Variants in ACSBG1 observed in about 807,000 individuals in gnomAD.
The protein encoded by ACSBG1 is acyl-CoA synthetase bubblegum family member 1.
In ACSBG1, 39 loss-of-function variants were observed where a neutral mutation model predicts 80.2. The observed-to-expected ratio is 0.49, with a 90% CI of 0.38 to 0.64. The LOEUF is 0.64. Among genes scored for constraint, ACSBG1 ranks in the 30% least tolerant of loss-of-function variants. The pLI, the probability that ACSBG1 is intolerant of heterozygous loss-of-function variation, is 0.00. For synonymous variants in ACSBG1, 392 were observed against 379.5 expected (o/e 1.03, Z -0.38); for missense variants, 828 against 966.4 (o/e 0.86, Z 1.90).
chr15:78,214,804 A>G (rs763484313), intron 1 of ACSBG1, among the ~76,000 whole-genome samples: 16 of 152,268 alleles, frequency 1.1e-4, no homozygotes, highest in Non-Finnish European at 2.1e-4. Context: ...GGGGTTGTTC[A>G]AGGTCCTCCA....
At chr15:78,186,249 G>A (rs1023125207) in intron 5 of ACSBG1, among the ~76,000 whole-genome samples, 15 of 152,110 alleles carry the variant, frequency 9.9e-5, no homozygotes, top group Non-Finnish European at 1.6e-4. Context: ...ACACCCCATT[G>A]TCAACATTAG....
intron 5 of ACSBG1, among the ~76,000 whole-genome samples, chr15:78,185,895 TA>T (rs1380502576): frequency 7.2e-5 from 11 of 151,968 alleles, no homozygotes; most frequent in Non-Finnish European, 1.6e-4. Flanking sequence ...TGTGAACCCA[TA>T]AATCTAAATC....
chr15:78,177,757 A>C lies in ACSBG1; in HGVS notation c.1702+857T>G, dbSNP rs568234625. On this transcript the variant is annotated intron_variant, in intron 11 of 13. Coordinates refer to ENST00000258873, the MANE Select transcript of ACSBG1 (RefSeq NM_015162.5). The surrounding 1 kb of genome is among the most constrained non-coding windows in gnomAD (Gnocchi z 4.1). ...CGCACACTGCCTGCATGATGTCCAC[A>C]AAGTAGTTTACCCACTCAACTTAGC... Among the ~76,000 whole-genome samples the C allele has an allele frequency of 6.4e-4, 98 of 152,232 alleles. 1 individual carries two copies. The highest frequency in any genetic ancestry group is 2.3e-3 in the African/African-American group (95 of 41,532).
chr15:78,203,715 G>A (rs780398684), intron 2 of ACSBG1, among the ~76,000 whole-genome samples: 7 of 152,242 alleles, frequency 4.6e-5, no homozygotes, highest in Non-Finnish European at 8.8e-5. Flanking sequence ...AGCAGAGAGC[G>A]GGAGGCTGGG....
At chr15:78,184,949 A>G (rs935638941) in intron 5 of ACSBG1, among the ~76,000 whole-genome samples, 13 of 151,680 alleles carry the variant, frequency 8.6e-5, no homozygotes, top group Non-Finnish European at 1.9e-4. Flanking sequence ...GTGAGCCTCT[A>G]AGTGTGCCCC....
rs756255148 is a variant in ACSBG1 at position 78,194,698 on chromosome 15, A to G, written c.261T>C (p.Asp87=). ...GGTCTATGCGCAGGCGCACCCGCCC[A>G]TCGGCCCGAGTCGTCCACAGCGCCT... is the stretch of plus-strand genomic sequence containing the variant. ...PEEALWTTRA[D]GRVRLRIDPS... Residue 87 remains aspartate, a synonymous_variant, in exon 3 of 14, where the codon GAT becomes GAC. Transcript: ENST00000258873. 6.2e-7 allele frequency: 1 copy of G among 1,613,320 alleles called. No homozygotes were observed. Among genetic ancestry groups the G allele is most frequent in the Admixed American group, 1.7e-5 (1 of 60,034 alleles).
chr15:78,182,402 C>A, intron 7 of ACSBG1, 64 bp downstream of exon 7: 1 of 1,589,072 alleles, frequency 6.3e-7, no homozygotes, highest in Non-Finnish European at 8.5e-7. Flanking sequence ...TGGGGCAGAG[C>A]CATGGCCCAG....
rs1423621092 is a variant in ACSBG1 at position 78,178,331 on chromosome 15, CTCTG to C, written c.1702+279_1702+282del. On this transcript the variant is annotated intron_variant, in intron 11 of 13. Transcript: ENST00000258873. The surrounding 1 kb of genome is among the most constrained non-coding windows in gnomAD (Gnocchi z 4.3). ...TTTTGTTTTTGGAGACAGAGTCTAGCTCTGTCTCCCAGGCTGGTGTGCAAAGAGG... is the reference window on the plus strand; with the variant it reads ...TTTTGTTTTTGGAGACAGAGTCTAGCTCTCCCAGGCTGGTGTGCAAAGAGG... Among the ~76,000 whole-genome samples, 1 of 152,162 alleles carries C rather than the reference CTCTG, an allele frequency of 6.6e-6. No individual in the cohort carries two copies. The highest frequency in any genetic ancestry group is 1.5e-5 in the Non-Finnish European group (1 of 68,028).
intron 2 of ACSBG1, among the ~76,000 whole-genome samples, chr15:78,205,334 G>A (rs1595894812): frequency 6.6e-6 from 1 of 152,248 alleles, no homozygotes; most frequent in South Asian, 2.1e-4. Flanking sequence ...GGACCTCAAA[G>A]AGATCTGGGA....
At chr15:78,198,225 G>A (rs1324573308) in intron 2 of ACSBG1, among the ~76,000 whole-genome samples, 2 of 151,924 alleles carry the variant, frequency 1.3e-5, no homozygotes, top group African/African-American at 2.4e-5. Flanking sequence ...TTTTTTGGTG[G>A]AGACAGGGTT....
chr15:78,223,055 A>G (rs1363666068), intron 1 of ACSBG1, among the ~76,000 whole-genome samples: 1 of 152,190 alleles, frequency 6.6e-6, no homozygotes, highest in African/African-American at 2.4e-5. Context: ...CTTCTAACTA[A>G]CACAACATAT....
intron 13 of ACSBG1, chr15:78,171,900 TTTG>T (rs1230867979): frequency 6.2e-6 from 1 of 161,522 alleles, no homozygotes; most frequent in African/African-American, 2.4e-5. Context: ...AATGGATTTA[TTTG>T]TTCCATCTCT....
chr15:78,173,815 C>T lies in ACSBG1; in HGVS notation c.1867G>A (p.Asp623Asn). 6.2e-7 allele frequency: 1 copy of T among 1,614,038 alleles called. No homozygotes were observed. The highest frequency in any genetic ancestry group is 8.5e-7 in the Non-Finnish European group (1 of 1,180,002). The change falls in exon 13 of 14, where the codon GAC becomes AAC. Residue 623 changes from aspartate (D) to asparagine (N), a missense_variant. Around this residue, in one of 3 missense-constraint regions of ACSBG1, gnomAD observed 201 missense variants for 227.0 expected, o/e 0.89. Transcript: ENST00000258873. ...TGTTCAGTCAGATTATCAGTCTGGT[C>T]AGAGGTGTCTGGGTCCAGAGTGCAC... Reference protein sequence around the residue: ...LKCTLDPDTSDQTDNLTEQAM... With the variant: ...LKCTLDPDTSNQTDNLTEQAM...
intron 2 of ACSBG1, among the ~76,000 whole-genome samples, chr15:78,205,178 G>A (rs2075201988): frequency 1.3e-5 from 2 of 151,896 alleles, no homozygotes; most frequent in African/African-American, 4.8e-5. Context: ...GTGTCTCCAG[G>A]GCCCAGTACA....
chr15:78,199,186 C>A (rs1460100601), intron 2 of ACSBG1, among the ~76,000 whole-genome samples: 1 of 151,884 alleles, frequency 6.6e-6, no homozygotes, highest in Non-Finnish European at 1.5e-5. Flanking sequence ...CTCAAAAGAT[C>A]CTCCAGTCTT....
Position 78,171,343 on chromosome 15 carries a change from TG to T in ACSBG1, c.*100del. ...CCCTGACCTGGAGATCTAACAGACT[TG>T]GCAGAAATGCCTGTGCCCAGACTGA... is the stretch of plus-strand genomic sequence containing the variant. On this transcript the variant is annotated 3_prime_UTR_variant, in exon 14 of 14. Coordinates refer to ENST00000258873, the MANE Select transcript of ACSBG1 (RefSeq NM_015162.5). 1 of 925,666 alleles carries T rather than the reference TG, an allele frequency of 1.1e-6. No homozygotes were observed. The highest frequency in any genetic ancestry group is 1.6e-5 in the South Asian group (1 of 64,198). The allele number at this position is 925,666 out of a possible 1,614,324, so 57.3% of individuals were successfully genotyped here.
At position 78,207,955 on chromosome 15, in the gene ACSBG1, GCA is replaced by G. The variant is rs142685233; in HGVS notation, c.232+45_232+46del. The G allele has an allele frequency of 1.1e-3, 628 of 589,080 alleles. 2 individuals carry two copies. In the African/African-American group the frequency reaches 0.011, roughly 10 times the overall value. The allele number at this position is 589,080 out of a possible 1,614,324, so 36.5% of individuals were successfully genotyped here. A position where few individuals can be genotyped will look rare whatever the true frequency, so the allele number is the denominator to read the frequency against. On this transcript the variant is annotated intron_variant, in intron 2 of 13. Transcript: ENST00000258873. ...CCACCCCTCCAGCACACCCAGCACA[GCA>G]CAGTTTCCCGCCCTGCCCCACCCTA...
chr15:78,193,092 C>A lies in ACSBG1; in HGVS notation c.663+414G>T, dbSNP rs1388244980. On this transcript the variant is annotated intron_variant, in intron 5 of 13. Transcript: ENST00000258873. Reference sequence around the variant, plus strand: ...CCCACCCTGTGGCAGCCCTCACCACCCCCCATCACCCTGTTCCTCACCTAG... The same window carrying A: ...CCCACCCTGTGGCAGCCCTCACCACACCCCATCACCCTGTTCCTCACCTAG... Among the ~76,000 whole-genome samples the A allele has an allele frequency of 2.0e-5, 3 of 152,168 alleles. No individual in the cohort carries two copies. In the South Asian group the frequency reaches 6.2e-4, roughly 32 times the overall value.
intron 1 of ACSBG1, among the ~76,000 whole-genome samples, chr15:78,216,795 A>T (rs1211417555): frequency 6.6e-6 from 1 of 152,208 alleles, no homozygotes. Context: ...CCCAGTTGGC[A>T]GTGCTCATAG....
Sources: gnomAD v4.1 joint callset for allele counts (sites outside exome capture counted in the v4.1 genomes callset) on GRCh38, gnomAD v4.1.1 for gene constraint, gnomAD v4.1.1 regional missense constraint, Gnocchi (gnomAD v3.1) non-coding constraint, MANE v1.5 for transcripts, NCBI Gene and HGNC (gene_info 2026-07-23, HGNC 2026-07-21) for gene names.